The following TRIP13 variants were observed in gnomAD, a reference collection of about 807,000 sequenced individuals.
TRIP13 encodes thyroid hormone receptor interactor 13, also known as pachytene checkpoint protein 2 homolog.
A neutral mutation model predicts 54.4 loss-of-function variants in TRIP13; 25 were observed. The observed-to-expected ratio is 0.46, with a 90% CI of 0.33 to 0.64. The LOEUF is 0.64. Ranked by LOEUF, TRIP13 falls within the 30% of genes least tolerant of loss-of-function variation. TRIP13 has a pLI of 0.02. For missense variants in TRIP13, 373 were observed against 534.2 expected (o/e 0.70, Z 2.97); for synonymous variants, 207 against 207.8 (o/e 1.00, Z 0.03).
downstream of TRIP13, among the ~76,000 whole-genome samples, chr5:918,811 G>A (rs1754380862): frequency 6.6e-6 from 1 of 152,122 alleles, no homozygotes; most frequent in Non-Finnish European, 1.5e-5. The surrounding 1 kb of genome is among the most constrained non-coding windows in gnomAD (Gnocchi z 4.3). Flanking sequence ...GGCCCGTCTC[G>A]CCTTTTCACA....
intron 4 of TRIP13, 78 bp from the exon 5 acceptor site, chr5:901,262 GC>G: frequency 7.5e-7 from 1 of 1,335,302 alleles, no homozygotes; most frequent in Non-Finnish European, 1.1e-6. Flanking sequence ...GTAGGATTAA[GC>G]CCTGGGGGAG....
Position 915,891 on chromosome 5 carries a change from T to C in TRIP13, c.1134-13T>C. On this transcript the variant is annotated splice_polypyrimidine_tract_variant and intron_variant, in intron 11 of 12. Coordinates refer to ENST00000166345, the MANE Select transcript of TRIP13 (RefSeq NM_004237.4). This position sits in a 1 kb window ranked among gnomAD's most constrained non-coding sequence, Gnocchi z 4.2. Reference sequence around the variant, plus strand: ...ATAAATTGCTGTCTCTGAACTGGGTTTTCTTTACACAGGAAGAGCGAGGGC... The same window carrying C: ...ATAAATTGCTGTCTCTGAACTGGGTCTTCTTTACACAGGAAGAGCGAGGGC... 1.2e-6 allele frequency: 2 copies of C among 1,614,092 alleles called. No homozygotes were observed. Among genetic ancestry groups the C allele is most frequent in the Non-Finnish European group, 1.7e-6 (2 of 1,179,962 alleles).
Position 911,868 on chromosome 5 carries a change from A to C in TRIP13, c.892A>C (p.Thr298Pro). Residue 298 changes from threonine (T) to proline (P), a missense_variant, in exon 10 of 13, where the codon ACT (threonine) becomes CCT (proline). Transcript: ENST00000166345. This position sits in a 1 kb window ranked among gnomAD's most constrained non-coding sequence, Gnocchi z 4.7. ...KRHSNVVILTTSNITEKIDVA... is the reference protein window; with the variant it reads ...KRHSNVVILTPSNITEKIDVA... ...GCATTCCAATGTTGTGATTCTGACC[A>C]CTTCTAACATCACCGAGAAGATCGA... The C allele has an allele frequency of 6.2e-7, 1 of 1,612,024 alleles. No individual in the cohort carries two copies. The highest frequency in any genetic ancestry group is 8.5e-7 in the Non-Finnish European group (1 of 1,179,448).
intron 11 of TRIP13, 144 bp downstream of exon 11, chr5:914,721 G>C (rs1329132784): frequency 3.5e-5 from 9 of 259,336 alleles, no homozygotes; most frequent in Middle Eastern, 7.4e-4. Context: ...ATGTACACAC[G>C]TGTGTGTGTG....
chr5:914,833 C>A (rs765813554), intron 11 of TRIP13, among the ~76,000 whole-genome samples: 16 of 152,126 alleles, frequency 1.1e-4, no homozygotes, highest in Admixed American at 1.3e-4. Flanking sequence ...TGGAAGCCTG[C>A]AACCCTACGG....
intron 2 of TRIP13, among the ~76,000 whole-genome samples, chr5:895,179 C>T (rs1041285243): frequency 3.9e-5 from 6 of 152,170 alleles, no homozygotes; most frequent in Non-Finnish European, 8.8e-5. Flanking sequence ...GATTGGAAAC[C>T]AGGAATGAGA....
chr5:900,345 C>T (rs765439067), intron 3 of TRIP13, 149 bp from the exon 4 acceptor site: 10 of 715,272 alleles, frequency 1.4e-5, no homozygotes, highest in Non-Finnish European at 2.3e-5. Context: ...GAAAAATTTG[C>T]AGAATTTATA....
At position 908,172 on chromosome 5, in the gene TRIP13, G is replaced by T. The variant is rs1479105721; in HGVS notation, c.759+98G>T. The T allele has an allele frequency of 7.5e-6, 11 of 1,476,384 alleles. No homozygotes were observed. The highest frequency in any genetic ancestry group is 1.4e-5 in the African/African-American group (1 of 72,172). The allele number at this position is 1,476,384 out of a possible 1,614,324, so 91.5% of individuals were successfully genotyped here. On this transcript the variant is annotated intron_variant, in intron 8 of 12. Coordinates refer to ENST00000166345, the MANE Select transcript of TRIP13 (RefSeq NM_004237.4). This position sits in a 1 kb window ranked among gnomAD's most constrained non-coding sequence, Gnocchi z 5.2. Reference sequence around the variant, plus strand: ...ATGCTCCTAGCTTTCCCCTCCTACAGCCGGGCTGCCCTCTATCCCTCCCTG... The same window carrying T: ...ATGCTCCTAGCTTTCCCCTCCTACATCCGGGCTGCCCTCTATCCCTCCCTG...
rs558262282 is a variant in TRIP13, at chr5:907,913, C to T, written c.673-75C>T. 1 of 1,480,866 alleles carries T rather than the reference C, an allele frequency of 6.8e-7. No individual in the cohort carries two copies. Among genetic ancestry groups the T allele is most frequent in the East Asian group, 2.3e-5 (1 of 44,160 alleles). 91.7% of individuals were successfully genotyped at this position (1,480,866 alleles called of 1,614,324 possible). A position where few individuals can be genotyped will look rare whatever the true frequency, so the allele number is the denominator to read the frequency against. On this transcript the variant is annotated intron_variant, in intron 7 of 12. Transcript: ENST00000166345. This position sits in a 1 kb window ranked among gnomAD's most constrained non-coding sequence, Gnocchi z 4.1. ...TTGTGGGGACAACTGGGGCAGCAGG[C>T]CACATCAGGGTCCCCCTGTGCACCT...
rs749716330 is a variant in TRIP13 at position 901,347 on chromosome 5, G to A, written c.451G>A (p.Asp151Asn). The A allele has an allele frequency of 5.6e-6, 9 of 1,613,666 alleles. No homozygotes were observed. In the African/African-American group the frequency reaches 6.7e-5, roughly 12 times the overall value. Residue 151 changes from aspartate (D) to asparagine (N), a missense_variant, in exon 5 of 13, where the codon GAT becomes AAT. Asp to Asn is a conservative substitution (Grantham distance 23, BLOSUM62 1). Transcript: ENST00000166345. Reference sequence around the variant, plus strand: ...TTTTCTTTTTCTCTATCAGCTCCTCGATTATGTGATGACAACTTTACTGTT... The same window carrying A: ...TTTTCTTTTTCTCTATCAGCTCCTCAATTATGTGATGACAACTTTACTGTT... ...YDVEVKSHLL[D>N]YVMTTLLFSD...
downstream of TRIP13, among the ~76,000 whole-genome samples, chr5:918,408 C>T (rs7714178): frequency 0.047 from 7,170 of 152,270 alleles, 529 homozygotes; most frequent in African/African-American, 0.16. This position sits in a 1 kb window ranked among gnomAD's most constrained non-coding sequence, Gnocchi z 4.3. Context: ...CCAGTGGGCA[C>T]AACCCTAACA....
intron 9 of TRIP13, among the ~76,000 whole-genome samples, chr5:909,271 A>G (rs1412559820): frequency 6.6e-6 from 1 of 152,170 alleles, no homozygotes; most frequent in African/African-American, 2.4e-5. Context: ...CCAACTCCCA[A>G]GGAAGTGATG....
downstream of TRIP13, chr5:918,980 T>A (rs1033692455): frequency 6.6e-6 from 1 of 152,178 alleles, no homozygotes; most frequent in Non-Finnish European, 1.5e-5. This position sits in a 1 kb window ranked among gnomAD's most constrained non-coding sequence, Gnocchi z 4.3. Context: ...TTTGTATCCT[T>A]CAATCTGATT....
downstream of TRIP13, chr5:918,938 A>G (rs980336296): frequency 6.6e-6 from 1 of 152,220 alleles, no homozygotes; most frequent in Non-Finnish European, 1.5e-5. This position sits in a 1 kb window ranked among gnomAD's most constrained non-coding sequence, Gnocchi z 4.3. Context: ...CTCCTTTGAC[A>G]ACACCCTCAC....
intron 5 of TRIP13, among the ~76,000 whole-genome samples, chr5:903,206 A>G (rs6884399): frequency 0.32 from 48,709 of 151,982 alleles, 13,515 homozygotes; most frequent in African/African-American, 0.74. Context: ...TGACGCTACC[A>G]TTAGACCACG....
chr5:897,196 C>G (rs1472028394), intron 3 of TRIP13, among the ~76,000 whole-genome samples: 1 of 148,880 alleles, frequency 6.7e-6, no homozygotes, highest in African/African-American at 2.5e-5. Context: ...TCTAGCAGGC[C>G]AAGCCCAGGG....
chr5:907,987 G>A lies in TRIP13; in HGVS notation c.673-1G>A. ...ACACTAAAAGGGTGTTTGGGTTCCA[G>A]AGTGGCAAGCTGGTAACCAAGATGT... On this transcript the variant is annotated splice_acceptor_variant, in intron 7 of 12. Transcript: ENST00000166345. LOFTEE classifies it high-confidence loss of function. The surrounding 1 kb of genome is among the most constrained non-coding windows in gnomAD (Gnocchi z 4.1). The A allele has an allele frequency of 1.2e-6, 2 of 1,614,236 alleles. No individual in the cohort carries two copies. Among genetic ancestry groups the A allele is most frequent in the Non-Finnish European group, 1.7e-6 (2 of 1,180,030 alleles).
chr5:894,735 A>G, intron 1 of TRIP13, 52 bp from the exon 2 acceptor site: 1 of 1,548,970 alleles, frequency 6.5e-7, no homozygotes, highest in Non-Finnish European at 8.7e-7. Flanking sequence ...TCATTTTAAC[A>G]TTTTGTTTTT....
chr5:914,676 T>C, intron 11 of TRIP13, 99 bp downstream of exon 11: 5 of 914,550 alleles, frequency 5.5e-6, no homozygotes, highest in Non-Finnish European at 7.0e-6. Flanking sequence ...GGGCCCTGGG[T>C]GTGAACTCTC....
Sources: gnomAD v4.1 joint callset for allele counts (sites outside exome capture counted in the v4.1 genomes callset) on GRCh38, gnomAD v4.1.1 for gene constraint, Gnocchi (gnomAD v3.1) non-coding constraint, MANE v1.5 for transcripts, NCBI Gene and HGNC (gene_info 2026-07-23, HGNC 2026-07-21) for gene names.